ATL2: variants seen among roughly 807,000 people sequenced by gnomAD.
The protein encoded by ATL2 is atlastin-2.
Under a neutral mutation model 73.9 loss-of-function variants are expected in ATL2, and 31 were observed. That is an observed-to-expected ratio of 0.42 (90% CI 0.32 to 0.57). The LOEUF (loss-of-function observed/expected upper bound fraction) is 0.57. ATL2 is among the 20% of genes least tolerant of loss of function. The pLI, the probability that ATL2 is intolerant of heterozygous loss-of-function variation, is 0.14. For missense variants in ATL2, 738 were observed against 702.6 expected, an observed-to-expected ratio of 1.05 and a Z score of -0.57; for synonymous variants, 291 against 237.5, an observed-to-expected ratio of 1.23 and a Z score of -2.07.
chr2:38,306,654 T>A (rs1299142592), intron 9 of ATL2, among the ~76,000 whole-genome samples: 1 of 152,188 alleles, frequency 6.6e-6, no homozygotes, highest in South Asian at 2.1e-4. Context: ...AAAAACCATA[T>A]GACCATTTCA....
chr2:38,344,251 T>TA (rs1669893753), intron 1 of ATL2, among the ~76,000 whole-genome samples: 1 of 152,152 alleles, frequency 6.6e-6, no homozygotes, highest in Non-Finnish European at 1.5e-5. Context: ...AAATCCCAAT[T>TA]TTCCCTGTAA....
intron 1 of ATL2, among the ~76,000 whole-genome samples, chr2:38,366,215 C>A (rs1671324671): frequency 6.6e-6 from 1 of 151,870 alleles, no homozygotes; most frequent in African/African-American, 2.4e-5. Flanking sequence ...AATAAACACA[C>A]ACGCTCAAAA....
Position 38,351,496 on chromosome 2 carries a change from ATTT to A in ATL2, c.119-7987_119-7985del, listed in dbSNP as rs58343546. Among the ~76,000 whole-genome samples the A allele has an allele frequency of 4.6e-3, 659 of 143,732 alleles. 3 individuals carry two copies. The highest frequency in any genetic ancestry group is 0.016 in the East Asian group (77 of 4,938). 94.3% of individuals were successfully genotyped at this position (143,732 alleles called of 152,430 possible). On this transcript the variant is annotated intron_variant, in intron 1 of 12. Transcript: ENST00000378954. ...AAAAAATTATACATATATATATTTA[ATTT>A]TTTTTTTTTTTTGAGACAGAGTTTT... is the stretch of plus-strand genomic sequence containing the variant.
intron 1 of ATL2, among the ~76,000 whole-genome samples, chr2:38,370,875 T>A (rs959103903): frequency 6.8e-6 from 1 of 147,598 alleles, no homozygotes; most frequent in Non-Finnish European, 1.5e-5. Flanking sequence ...GGGTGGGGGG[T>A]GCACCCCAGA....
At chr2:38,297,841 T>G (rs985254561) in intron 12 of ATL2, 24 of 209,158 alleles carry the variant, frequency 1.1e-4, no homozygotes, top group African/African-American at 5.0e-4. Flanking sequence ...TTGTTTATAT[T>G]TTCTTTCCTC....
At chr2:38,298,097 C>G (rs1234052143) in intron 12 of ATL2, 47 bp downstream of exon 12, 6 of 1,513,586 alleles carry the variant, frequency 4.0e-6, no homozygotes, top group African/African-American at 1.4e-5. Context: ...TGGAAAGTCA[C>G]AGGAAAATAA....
upstream of ATL2, among the ~76,000 whole-genome samples, chr2:38,378,251 A>C (rs3806552): frequency 0.49 from 74,365 of 152,040 alleles, 20,298 homozygotes; most frequent in African/African-American, 0.75. Context: ...AATTCACAGC[A>C]TGCACAATCT....
chr2:38,366,056 C>T (rs1249461609), intron 1 of ATL2, among the ~76,000 whole-genome samples: 3 of 122,552 alleles, frequency 2.4e-5, no homozygotes, highest in African/African-American at 9.3e-5. Context: ...CAAAAGGAGA[C>T]AAATAAACAC....
Position 38,295,618 on chromosome 2 carries a change from A to C in ATL2, c.*376T>G, listed in dbSNP as rs972614681. Reference sequence around the variant, plus strand: ...GAAACAGTGATTCATAAATTCTCTAAAAATTAAAATTTCAATGGGACACTG... The same window carrying C: ...GAAACAGTGATTCATAAATTCTCTACAAATTAAAATTTCAATGGGACACTG... On this transcript the variant is annotated 3_prime_UTR_variant, in exon 13 of 13. Coordinates refer to ENST00000378954, the MANE Select transcript of ATL2 (RefSeq NM_001135673.4). 6.4e-6 allele frequency: 1 copy of C among 155,264 alleles called. No individual in the cohort carries two copies. The highest frequency in any genetic ancestry group is 2.4e-5 in the African/African-American group (1 of 41,538). The allele number at this position is 155,264 out of a possible 1,614,324, so 9.6% of individuals were successfully genotyped here. A position where few individuals can be genotyped will look rare whatever the true frequency, so the allele number is the denominator to read the frequency against.
intron 1 of ATL2, among the ~76,000 whole-genome samples, chr2:38,364,812 A>T (rs1055936622): frequency 6.6e-6 from 1 of 152,208 alleles, no homozygotes; most frequent in Non-Finnish European, 1.5e-5. Context: ...TGGGAGGCTG[A>T]GGCGGGTGGA....
upstream of ATL2, chr2:38,377,338 G>A (rs1020946230): frequency 3.3e-5 from 43 of 1,313,374 alleles, no homozygotes; most frequent in Admixed American, 2.0e-4. Flanking sequence ...GAGCCGGCGG[G>A]GTGGCCGGCG....
At chr2:38,347,755 A>G (rs1049351700) in intron 1 of ATL2, among the ~76,000 whole-genome samples, 2 of 148,654 alleles carry the variant, frequency 1.3e-5, no homozygotes, top group Admixed American at 1.3e-4. Context: ...GGAGTCTTAC[A>G]TCTGCCCTTA....
chr2:38,305,594 G>A (rs972080335), intron 9 of ATL2, among the ~76,000 whole-genome samples: 1 of 151,920 alleles, frequency 6.6e-6, no homozygotes, highest in African/African-American at 2.4e-5. Flanking sequence ...TATCTTCTCT[G>A]ACCACAATGG....
chr2:38,370,024 G>A (rs1671575936), intron 1 of ATL2, among the ~76,000 whole-genome samples: 1 of 150,860 alleles, frequency 6.6e-6, no homozygotes, highest in Non-Finnish European at 1.5e-5. Context: ...CGAGGTGGCG[G>A]GCGCCTGTAG....
chr2:38,352,066 G>A (rs921099380), intron 1 of ATL2, among the ~76,000 whole-genome samples: 5 of 140,894 alleles, frequency 3.5e-5, no homozygotes, highest in South Asian at 2.3e-4. Flanking sequence ...AGCCAAGATC[G>A]CGCCATTGCA....
At chr2:38,365,176 C>CACAAAT (rs1553342192) in intron 1 of ATL2, among the ~76,000 whole-genome samples, 9 of 138,354 alleles carry the variant, frequency 6.5e-5, no homozygotes, top group African/African-American at 3.1e-4. Context: ...AATACACACA[C>CACAAAT]ACACACACAC....
chr2:38,340,090 T>C (rs1290676520), intron 2 of ATL2, among the ~76,000 whole-genome samples: 2 of 148,296 alleles, frequency 1.3e-5, no homozygotes, highest in Admixed American at 7.0e-5. Flanking sequence ...ATAATACCTA[T>C]GGTATGATTT....
At chr2:38,377,110 G>C (rs764462935) in intron 1 of ATL2, 33 bp downstream of exon 1, 2 of 1,594,846 alleles carry the variant, frequency 1.3e-6, no homozygotes, top group Non-Finnish European at 1.7e-6. Flanking sequence ...CTCCCCATCA[G>C]GGCCCCGCGG....
At chr2:38,325,688 A>AG (rs1668587520) in intron 2 of ATL2, among the ~76,000 whole-genome samples, 1 of 71,394 alleles carries the variant, frequency 1.4e-5, no homozygotes, top group Non-Finnish European at 2.3e-5. Flanking sequence ...ACACACACAC[A>AG]CACACACCAG....
Sources: allele counts gnomAD v4.1 joint callset (sites outside exome capture counted in the v4.1 genomes callset), GRCh38; gene constraint gnomAD v4.1.1; transcripts MANE v1.5; gene names NCBI Gene and HGNC (gene_info 2026-07-23, HGNC 2026-07-21).